Variants in TNFRSF21 observed in about 807,000 individuals in gnomAD.
The protein encoded by TNFRSF21 is TNF receptor superfamily member 21.
In TNFRSF21, 19 loss-of-function variants were observed where a neutral mutation model predicts 45.6. That is an observed-to-expected ratio of 0.42 (90% CI 0.29 to 0.61). TNFRSF21 has a LOEUF of 0.61. Ranked by LOEUF, TNFRSF21 falls within the 20% of genes least tolerant of loss-of-function variation. The pLI is 0.23. For synonymous variants in TNFRSF21, 314 were observed against 335.5 expected, an observed-to-expected ratio of 0.94 and a Z score of 0.70; for missense variants, 737 against 851.5, an observed-to-expected ratio of 0.87 and a Z score of 1.67.
At chr6:47,290,025 A>G (rs1257685928) in intron 1 of TNFRSF21, among the ~76,000 whole-genome samples, 1 of 152,124 alleles carries the variant, frequency 6.6e-6, no homozygotes. Flanking sequence ...AAGAGTATCA[A>G]CGACAGGATT....
At chr6:47,305,335 T>A (rs1762923551) in intron 1 of TNFRSF21, among the ~76,000 whole-genome samples, 1 of 152,128 alleles carries the variant, frequency 6.6e-6, no homozygotes, top group Non-Finnish European at 1.5e-5. Flanking sequence ...AGCAGTCACT[T>A]CCCCAGTAGA....
At chr6:47,247,528 C>T (rs778558212) in intron 4 of TNFRSF21, among the ~76,000 whole-genome samples, 9 of 152,218 alleles carry the variant, frequency 5.9e-5, no homozygotes, top group Non-Finnish European at 1.2e-4. Flanking sequence ...TCAACTCGTC[C>T]TCACTGTATT....
intron 3 of TNFRSF21, among the ~76,000 whole-genome samples, chr6:47,268,440 G>T (rs974259939): frequency 1.3e-5 from 2 of 152,198 alleles, no homozygotes; most frequent in Admixed American, 1.3e-4. Context: ...TAAAGTCAGA[G>T]AATGTCAAAA....
intron 3 of TNFRSF21, among the ~76,000 whole-genome samples, chr6:47,262,320 AC>A (rs1765085077): frequency 1.3e-5 from 2 of 152,188 alleles, no homozygotes; most frequent in East Asian, 3.9e-4. Flanking sequence ...CAAAACAAAA[AC>A]ATCCCTCCTT....
At chr6:47,251,658 CCTT>C (rs1469440548) in intron 4 of TNFRSF21, among the ~76,000 whole-genome samples, 1 of 152,184 alleles carries the variant, frequency 6.6e-6, no homozygotes, top group East Asian at 1.9e-4. Context: ...GTATCTAAAT[CCTT>C]CTTTGAGCCT....
At chr6:47,297,879 G>GT (rs1051328676) in intron 1 of TNFRSF21, among the ~76,000 whole-genome samples, 7 of 152,098 alleles carry the variant, frequency 4.6e-5, no homozygotes, top group African/African-American at 1.4e-4. Flanking sequence ...CCTGAGAAGT[G>GT]TATCAAAGAC....
chr6:47,256,855 T>A (rs1206294754), intron 3 of TNFRSF21, among the ~76,000 whole-genome samples: 4 of 152,336 alleles, frequency 2.6e-5, no homozygotes, highest in South Asian at 4.1e-4. Context: ...GTGTCTTACA[T>A]GAAAACATGA....
In TNFRSF21 at chr6:47,303,673, G is replaced by A. The variant is rs567341008; in HGVS notation, c.96+5743C>T. Among the ~76,000 whole-genome samples the A allele has an allele frequency of 2.6e-5, 4 of 152,304 alleles. No homozygotes were observed. In the South Asian group the frequency reaches 8.3e-4, roughly 32 times the overall value. ...TGCCTGTACTCACTGATATCTGCCAGGTTCCTCCTGGGTTATAACCTCTAC... is the reference window on the plus strand; with the variant it reads ...TGCCTGTACTCACTGATATCTGCCAAGTTCCTCCTGGGTTATAACCTCTAC... On this transcript the variant is annotated intron_variant, in intron 1 of 5. Coordinates refer to ENST00000296861, the MANE Select transcript of TNFRSF21 (RefSeq NM_014452.5).
intron 3 of TNFRSF21, among the ~76,000 whole-genome samples, chr6:47,268,550 T>C (rs1369479383): frequency 6.6e-6 from 1 of 152,192 alleles, no homozygotes; most frequent in Non-Finnish European, 1.5e-5. Flanking sequence ...AAGGTTTCAT[T>C]TGTGTTGAAA....
At chr6:47,268,350 C>G (rs1762363989) in intron 3 of TNFRSF21, among the ~76,000 whole-genome samples, 1 of 152,154 alleles carries the variant, frequency 6.6e-6, no homozygotes, top group Admixed American at 6.5e-5. Context: ...TCTCCCTTCC[C>G]TCACCAATAA....
chr6:47,290,841 G>A (rs902625071), intron 1 of TNFRSF21, among the ~76,000 whole-genome samples: 1 of 152,178 alleles, frequency 6.6e-6, no homozygotes, highest in Non-Finnish European at 1.5e-5. Context: ...AATTATTGAA[G>A]ACCTAATAGG....
chr6:47,287,797 C>T (rs372947028), intron 1 of TNFRSF21, among the ~76,000 whole-genome samples: 1 of 152,138 alleles, frequency 6.6e-6, no homozygotes, highest in South Asian at 2.1e-4. Flanking sequence ...AGGACAAAAA[C>T]GTAAAACTTC....
rs776972001 is a variant in TNFRSF21, at chr6:47,253,263, G to T, written c.1502C>A (p.Thr501Asn). 1.9e-6 allele frequency: 3 copies of T among 1,612,532 alleles called. No individual in the cohort carries two copies. In the Admixed American group the frequency reaches 5.0e-5, roughly 27 times the overall value. ...VEKIRGLMED[T>N]TQLETDKLAL... ...CAACAAGGGCTCCATTACCTGGGTG[G>T]TGTCTTCCATCAGCCCACGAATCTT... The change falls in exon 4 of 6, where the codon ACC (threonine) becomes AAC (asparagine). Residue 501 changes from threonine (T) to asparagine (N), a missense_variant. Thr to Asn is a moderately conservative substitution (Grantham distance 65). Coordinates refer to ENST00000296861, the MANE Select transcript of TNFRSF21 (RefSeq NM_014452.5).
chr6:47,261,225 G>A (rs945477514), intron 3 of TNFRSF21, among the ~76,000 whole-genome samples: 1 of 152,186 alleles, frequency 6.6e-6, no homozygotes, highest in African/African-American at 2.4e-5. Context: ...ATATGTCAAA[G>A]TCAGAAATTG....
intron 1 of TNFRSF21, among the ~76,000 whole-genome samples, chr6:47,290,974 T>A (rs1762715895): frequency 6.6e-6 from 1 of 152,190 alleles, no homozygotes; most frequent in Non-Finnish European, 1.5e-5. Flanking sequence ...ATTACTCAAT[T>A]AGAATTGAAA....
chr6:47,284,197 G>A lies in TNFRSF21; in HGVS notation c.984C>T (p.Ile328=), dbSNP rs1462562409. ...ATGGEKSSTP[I]KGPKRGHPRQ... ...TAGGATGTCCCCTCTTGGGGCCCTT[G>A]ATGGGCGTGCTGGACTTCTCGCCCC... is the stretch of plus-strand genomic sequence containing the variant. Residue 328 remains isoleucine (I), a synonymous_variant, in exon 3 of 6, where the codon ATC becomes ATT. Transcript: ENST00000296861. 6.2e-7 allele frequency: 1 copy of A among 1,614,198 alleles called. No individual in the cohort carries two copies. Among genetic ancestry groups the A allele is most frequent in the South Asian group, 1.1e-5 (1 of 91,078 alleles).
chr6:47,253,210 G>A, intron 4 of TNFRSF21, 46 bp downstream of exon 4: 1 of 1,591,188 alleles, frequency 6.3e-7, no homozygotes, highest in African/African-American at 1.3e-5. Flanking sequence ...TTGAAGCATA[G>A]GGGCAATAGG....
chr6:47,280,252 TATCCTCATGAACA>T (rs1249541724), intron 3 of TNFRSF21, among the ~76,000 whole-genome samples: 1 of 152,146 alleles, frequency 6.6e-6, no homozygotes, highest in African/African-American at 2.4e-5. Context: ...CCTCCCACCT[TATCCTCATGAACA>T]ATTCAGTGTG....
intron 3 of TNFRSF21, among the ~76,000 whole-genome samples, chr6:47,268,622 G>A (rs1762369975): frequency 6.6e-6 from 1 of 151,838 alleles, no homozygotes; most frequent in African/African-American, 2.4e-5. Context: ...TTATCTCACA[G>A]CCAGTTCTTT....
Sources: gnomAD v4.1 joint callset for allele counts (sites outside exome capture counted in the v4.1 genomes callset) on GRCh38, gnomAD v4.1.1 for gene constraint, MANE v1.5 for transcripts, NCBI Gene and HGNC (gene_info 2026-07-23, HGNC 2026-07-21) for gene names.